The following BST1 variants were observed in gnomAD, a reference collection of about 807,000 sequenced individuals.
The protein encoded by BST1 is ADP-ribosyl cyclase/cyclic ADP-ribose hydrolase 2.
BST1 carries 49 observed loss-of-function variants against 40.6 expected under a neutral mutation model. The ratio of observed to expected loss-of-function variants is 1.21; its 90% CI spans 0.96 to 1.53. The LOEUF (loss-of-function observed/expected upper bound fraction) is 1.53. BST1 is among the 40% of genes most tolerant of loss of function. BST1 has a pLI of 0.00. For synonymous variants in BST1, 157 were observed against 159.3 expected (o/e 0.99, Z 0.11); for missense variants, 423 against 395.9 (o/e 1.07, Z -0.58).
chr4:15,737,933 C>T lies in BST1; in HGVS notation c.*159C>T, dbSNP rs368141852. 54 of 592,076 alleles carry T rather than the reference C, an allele frequency of 9.1e-5. No individual in the cohort carries two copies. In the East Asian group the frequency reaches 2.0e-3, roughly 22 times the overall value. 36.7% of individuals were successfully genotyped at this position (592,076 alleles called of 1,614,324 possible). On this transcript the variant is annotated 3_prime_UTR_variant, in exon 7 of 7. Transcript: ENST00000514445. ...ATTGCATGCCTGCCTAGTCCAGCTC[C>T]GTCCACATGAATGCTCTCCACAAGC...
chr4:15,765,855 C>T, the BST1 span, among the ~76,000 whole-genome samples: 3 of 151,972 alleles, frequency 2.0e-5, no homozygotes, highest in Non-Finnish European at 4.4e-5. Context: ...CTCATCATCA[C>T]CTCGCATGTG....
intron 8 of BST1, among the ~76,000 whole-genome samples, chr4:15,725,619 C>T (rs1317564453): frequency 6.6e-6 from 1 of 152,196 alleles, no homozygotes; most frequent in Admixed American, 6.5e-5. Flanking sequence ...AGACACGTCA[C>T]CCACAGCTTC....
the BST1 span, among the ~76,000 whole-genome samples, chr4:15,770,400 A>G: frequency 2.6e-5 from 4 of 151,996 alleles, no homozygotes; most frequent in South Asian, 6.3e-4. Context: ...TGTCTTTTCA[A>G]AGGCTTCCTA....
At chr4:15,707,385 AGTT>A (rs1302215531) in intron 2 of BST1, 123 bp from the exon 3 acceptor site, 6 of 1,043,238 alleles carry the variant, frequency 5.8e-6, no homozygotes, top group Middle Eastern at 4.1e-4. Context: ...AAGAACGTTC[AGTT>A]GTTGTGCAGC....
chr4:15,768,480 CTTTTT>C, the BST1 span, among the ~76,000 whole-genome samples: 2 of 91,052 alleles, frequency 2.2e-5, no homozygotes, highest in African/African-American at 4.5e-5. Flanking sequence ...TGGACAGTAT[CTTTTT>C]TTTTTTTTTT....
At chr4:15,746,182 C>T in the BST1 span, among the ~76,000 whole-genome samples, 1 of 152,230 alleles carries the variant, frequency 6.6e-6, no homozygotes, top group East Asian at 1.9e-4. Flanking sequence ...ACTGGGGCTA[C>T]CACTTGGCTA....
chr4:15,704,496 A>G lies in BST1; in HGVS notation c.189-1019A>G, dbSNP rs184740689. On this transcript the variant is annotated intron_variant, in intron 1 of 8. Transcript: ENST00000265016. ...CTAGAGGTGAGGGGTGTGTGTGTGT[A>G]GTCTAGAGGTGACAGGTGTGTGTGT... Among the ~76,000 whole-genome samples the G allele has an allele frequency of 1.5e-3, 205 of 132,286 alleles. 2 individuals are homozygous for G. The highest frequency in any genetic ancestry group is 5.5e-3 in the African/African-American group (192 of 34,648). 86.8% of individuals were successfully genotyped at this position (132,286 alleles called of 152,430 possible).
chr4:15,722,027 C>T (rs1448358411), intron 7 of BST1, among the ~76,000 whole-genome samples: 1 of 152,130 alleles, frequency 6.6e-6, no homozygotes, highest in East Asian at 1.9e-4. Flanking sequence ...GCTTCCCTTC[C>T]CCTCCTGGTG....
chr4:15,703,085 T>G lies in BST1; in HGVS notation c.-60T>G, dbSNP rs1165360919. ...CCTGCATCAGTTTGCGGAACCGCCTTGGTAGAAGGAGAGAAGGGGAGTGGA... is the reference window on the plus strand; with the variant it reads ...CCTGCATCAGTTTGCGGAACCGCCTGGGTAGAAGGAGAGAAGGGGAGTGGA... On this transcript the variant is annotated 5_prime_UTR_variant, in exon 1 of 9. Transcript: ENST00000265016. 6.7e-7 allele frequency: 1 copy of G among 1,502,190 alleles called. No homozygotes were observed. Among genetic ancestry groups the G allele is most frequent in the Non-Finnish European group, 8.8e-7 (1 of 1,134,210 alleles). The allele number at this position is 1,502,190 out of a possible 1,614,324, so 93.1% of individuals were successfully genotyped here.
chr4:15,755,648 C>G, the BST1 span, among the ~76,000 whole-genome samples: 1 of 151,948 alleles, frequency 6.6e-6, no homozygotes, highest in South Asian at 2.1e-4. Flanking sequence ...GGGTGAAAAG[C>G]CCCAAAGAAA....
chr4:15,731,483 G>A, intron 8 of BST1: 1 of 957,520 alleles, frequency 1.0e-6, no homozygotes. Context: ...TGCCCGAGAA[G>A]CGCTTGTCCT....
At chr4:15,758,556 G>A in the BST1 span, among the ~76,000 whole-genome samples, 1 of 152,250 alleles carries the variant, frequency 6.6e-6, no homozygotes, top group Admixed American at 6.5e-5. Context: ...TTTGTCATGA[G>A]AACATTTGAA....
chr4:15,734,152 G>A (rs1010084551), downstream of BST1, among the ~76,000 whole-genome samples: 1 of 152,130 alleles, frequency 6.6e-6, no homozygotes, highest in Non-Finnish European at 1.5e-5. Flanking sequence ...CTATAGTAGC[G>A]GAGAGCAGAC....
downstream of BST1, among the ~76,000 whole-genome samples, chr4:15,739,499 C>G (rs568249335): frequency 6.6e-6 from 1 of 151,976 alleles, no homozygotes; most frequent in African/African-American, 2.4e-5. Context: ...ATTACCCAAA[C>G]TCTTCACTGA....
At chr4:15,707,710 T>G in intron 3 of BST1, 64 bp downstream of exon 3, 1 of 1,576,446 alleles carries the variant, frequency 6.3e-7, no homozygotes, top group Non-Finnish European at 8.6e-7. Flanking sequence ...TTACCATTTG[T>G]GCTAAATGCT....
chr4:15,703,735 T>C (rs1163077396), intron 1 of BST1, among the ~76,000 whole-genome samples: 8 of 125,690 alleles, frequency 6.4e-5, no homozygotes, highest in Non-Finnish European at 1.0e-4. Context: ...TGTGTGTGTG[T>C]GCTCTAGAGG....
chr4:15,769,349 A>G, the BST1 span, among the ~76,000 whole-genome samples: 2 of 152,198 alleles, frequency 1.3e-5, no homozygotes, highest in African/African-American at 4.8e-5. Context: ...AGAACTTGGT[A>G]TTTCTGGTGA....
the BST1 span, chr4:15,743,514 T>C: frequency 1.2e-5 from 4 of 327,148 alleles, no homozygotes; most frequent in African/African-American, 2.2e-5. Flanking sequence ...AAAAAAATCC[T>C]ACCTAGAGCA....
chr4:15,737,451 C>T (rs1721608411), downstream of BST1, among the ~76,000 whole-genome samples: 1 of 152,182 alleles, frequency 6.6e-6, no homozygotes, highest in South Asian at 2.1e-4. Flanking sequence ...TCGGTTCCTC[C>T]ATGGTCTGGG....
Sources: gnomAD v4.1 joint callset for allele counts (sites outside exome capture counted in the v4.1 genomes callset) on GRCh38, gnomAD v4.1.1 for gene constraint, MANE v1.5 for transcripts, NCBI Gene and HGNC (gene_info 2026-07-23, HGNC 2026-07-21) for gene names.